The following UTP15 variants were observed in gnomAD, a reference collection of about 807,000 sequenced individuals.
UTP15 encodes U3 small nucleolar RNA-associated protein 15 homolog.
UTP15 carries 5 observed loss-of-function variants against 59.1 expected under a neutral mutation model. The observed-to-expected ratio is 0.08, with a 90% confidence interval of 0.04 to 0.18. UTP15 has a LOEUF of 0.18. UTP15 is among the 10% of genes least tolerant of loss of function. The probability of loss-of-function intolerance (pLI) is 1.00; values close to 1 mark genes in which losing one functional copy is unlikely to be tolerated. For missense variants in UTP15, 494 were observed against 616.7 expected (o/e 0.80, Z 2.11); for synonymous variants, 211 against 212.2 (o/e 0.99, Z 0.05).
intron 8 of UTP15, among the ~76,000 whole-genome samples, 171 bp from the exon 9 acceptor site, chr5:73,577,685 T>G (rs927127581): frequency 6.6e-6 from 1 of 152,188 alleles, no homozygotes; most frequent in Non-Finnish European, 1.5e-5. Context: ...AAAAAATGAT[T>G]TCGCTTTAAC....
rs550388874 is a variant in UTP15 at position 73,572,581 on chromosome 5, C to G, written c.766C>G (p.Leu256Val). Reference protein sequence around the residue: ...NHHKTVTCLCLSSSGQRLLSG... With the variant: ...NHHKTVTCLCVSSSGQRLLSG... The stretch of plus-strand genomic sequence containing the variant: ...TCACAAAACCGTGACATGTTTATGT[C>G]TAAGCAGCTCTGGACAGAGGTTACT... Residue 256 changes from leucine to valine, a missense_variant, in exon 7 of 13, where the codon CTA (leucine) becomes GTA (valine). By Grantham distance (32) the Leu-to-Val change is conservative. Transcript: ENST00000296792. 76 of 1,614,122 alleles carry G rather than the reference C, an allele frequency of 4.7e-5. No individual in the cohort carries two copies. The East Asian group carries it at 1.6e-3, about 35-fold the overall frequency.
At chr5:73,570,466 CAT>C (rs1747899765) in intron 5 of UTP15, 118 bp from the exon 6 acceptor site, 1 of 964,338 alleles carries the variant, frequency 1.0e-6, no homozygotes, top group East Asian at 2.6e-5. Context: ...CATGAATATA[CAT>C]ATATGTCTTT....
chr5:73,565,997 C>T, intron 1 of UTP15, 85 bp downstream of exon 1: 1 of 414,996 alleles, frequency 2.4e-6, no homozygotes. Context: ...TCTGGGGCTT[C>T]CCAGGCTATA....
rs1748311118 is a variant in UTP15 at position 73,581,588 on chromosome 5, T to G, written c.*1494T>G. 1 of 152,134 alleles carries G rather than the reference T, an allele frequency of 6.6e-6. No individual in the cohort carries two copies. 9.4% of individuals were successfully genotyped at this position (152,134 alleles called of 1,614,324 possible). A position where few individuals can be genotyped will look rare whatever the true frequency, so the allele number is the denominator to read the frequency against. ...TTGTAATGCGAATCTCCTCTCATAA[T>G]TTTAGTTCTGTAAATTCAGGGTTTT... is the stretch of plus-strand genomic sequence containing the variant. On this transcript the variant is annotated 3_prime_UTR_variant, in exon 13 of 13. Coordinates refer to ENST00000296792, the MANE Select transcript of UTP15 (RefSeq NM_032175.4).
At position 73,579,906 on chromosome 5, in the gene UTP15, C is replaced by T; in HGVS notation, c.1369C>T (p.Pro457Ser). ...DIYLPVIGQSPVVDKKFLLLQ... is the reference protein window; with the variant it reads ...DIYLPVIGQSSVVDKKFLLLQ... The stretch of plus-strand genomic sequence containing the variant: ...ATATCTGCCTGTAATTGGTCAGTCC[C>T]CTGTAGTTGATAAAAAGTTTTTACT... The change falls in exon 13 of 13, where the codon CCT (proline) becomes TCT (serine). Residue 457 changes from proline to serine, a missense_variant. Coordinates refer to ENST00000296792, the MANE Select transcript of UTP15 (RefSeq NM_032175.4). The T allele has an allele frequency of 6.2e-7, 1 of 1,612,646 alleles. No homozygotes were observed. The highest frequency in any genetic ancestry group is 8.5e-7 in the Non-Finnish European group (1 of 1,179,234).
chr5:73,568,828 C>T (rs529167025), intron 4 of UTP15, among the ~76,000 whole-genome samples: 12 of 152,194 alleles, frequency 7.9e-5, no homozygotes, highest in East Asian at 3.9e-4. Context: ...AGGAAATACA[C>T]GTTTATCTAG....
intron 2 of UTP15, 113 bp downstream of exon 2, chr5:73,567,547 A>C: frequency 1.4e-6 from 1 of 707,938 alleles, no homozygotes; most frequent in Non-Finnish European, 2.2e-6. Context: ...ACCATCTATC[A>C]GCAGCTTATA....
intron 7 of UTP15, among the ~76,000 whole-genome samples, chr5:73,574,119 T>C (rs1748020496): frequency 6.6e-6 from 1 of 151,776 alleles, no homozygotes; most frequent in Non-Finnish European, 1.5e-5. Flanking sequence ...GGCCAGGAGT[T>C]TGAGACCAGC....
chr5:73,565,799 C>G lies in UTP15; in HGVS notation c.-197C>G, dbSNP rs1227727443. The G allele has an allele frequency of 4.4e-6, 2 of 456,132 alleles. No homozygotes were observed. 28.3% of individuals were successfully genotyped at this position (456,132 alleles called of 1,614,324 possible). On this transcript the variant is annotated 5_prime_UTR_variant, in exon 1 of 13. Transcript: ENST00000296792. ...TGTGTGTCGCCGGCTCCTTGAGGGT[C>G]CATGTGATTTTTACGCCAGTGCTGC...
At chr5:73,569,115 A>C (rs4703607) in intron 4 of UTP15, among the ~76,000 whole-genome samples, 57,444 of 152,120 alleles carry the variant, frequency 0.38, 12,299 homozygotes, top group East Asian at 0.66. Flanking sequence ...GTTAAAATTT[A>C]ACAGAAATTT....
chr5:73,580,165 G>C lies in UTP15; in HGVS notation c.*71G>C, dbSNP rs1349851161. The stretch of plus-strand genomic sequence containing the variant: ...TTGACTGTATTAAATGTTGGCGAGA[G>C]ACTCTCTTTGATACATTAAAAAAAC... On this transcript the variant is annotated 3_prime_UTR_variant, in exon 13 of 13. Coordinates refer to ENST00000296792, the MANE Select transcript of UTP15 (RefSeq NM_032175.4). 55 of 1,362,036 alleles carry C rather than the reference G, an allele frequency of 4.0e-5. No homozygotes were observed. The highest frequency in any genetic ancestry group is 5.1e-5 in the Non-Finnish European group (50 of 985,284). The allele number at this position is 1,362,036 out of a possible 1,614,324, so 84.4% of individuals were successfully genotyped here.
rs146091678 is a variant in UTP15, at chr5:73,579,043, G to C, written c.1173G>C (p.Glu391Asp). 1.2e-6 allele frequency: 2 copies of C among 1,613,284 alleles called. No individual in the cohort carries two copies. Among genetic ancestry groups the C allele is most frequent in the Non-Finnish European group, 1.7e-6 (2 of 1,179,454 alleles). Residue 391 changes from glutamate (E) to aspartate (D), a missense_variant, in exon 11 of 13, where the codon GAG (glutamate) becomes GAC (aspartate). Transcript: ENST00000296792. ...LDPTCTIKTP[E>D]ITVSIIKELN... Reference sequence around the variant, plus strand: ...CCACTTGTACAATAAAGACACCCGAGATTACGGTGTCCATCATAAAGGAGT... The same window carrying C: ...CCACTTGTACAATAAAGACACCCGACATTACGGTGTCCATCATAAAGGAGT...
At chr5:73,567,222 A>G (rs1747802423) in intron 1 of UTP15, 40 bp from the exon 2 acceptor site, 1 of 528,242 alleles carries the variant, frequency 1.9e-6, no homozygotes. Flanking sequence ...AACTATGTGT[A>G]CAAGCTTATA....
rs1747801658 is a variant in UTP15 at position 73,567,203 on chromosome 5, G to T, written c.-83-59G>T. The T allele has an allele frequency of 6.6e-6, 3 of 456,520 alleles. No homozygotes were observed. In the East Asian group the frequency reaches 1.1e-4, roughly 17 times the overall value. The allele number at this position is 456,520 out of a possible 1,614,324, so 28.3% of individuals were successfully genotyped here. On this transcript the variant is annotated intron_variant, in intron 1 of 12. Transcript: ENST00000296792. Reference sequence around the variant, plus strand: ...ACACAGACTTTTTAAAGAAAGCAGAGTGAAAATCAACTATGTGTACAAGCT... The same window carrying T: ...ACACAGACTTTTTAAAGAAAGCAGATTGAAAATCAACTATGTGTACAAGCT...
Position 73,567,430 on chromosome 5 carries a change from A to G in UTP15, c.86A>G (p.Tyr29Cys), listed in dbSNP as rs1469674937. 3.8e-6 allele frequency: 6 copies of G among 1,599,444 alleles called. No individual in the cohort carries two copies. Among genetic ancestry groups the G allele is most frequent in the African/African-American group, 1.3e-5 (1 of 74,234 alleles). ...ITQDTLYWNNYKTPVQIKEFG... is the reference protein window; with the variant it reads ...ITQDTLYWNNCKTPVQIKEFG... ...CAAGATACACTGTACTGGAACAACT[A>G]TAAGGTGAGTGTGGGACGTAATGAG... The change falls in exon 2 of 13, where the codon TAT becomes TGT. Residue 29 changes from tyrosine (Y) to cysteine (C), a missense_variant. Coordinates refer to ENST00000296792, the MANE Select transcript of UTP15 (RefSeq NM_032175.4).
rs1207502780 is a variant in UTP15 at position 73,583,142 on chromosome 5, C to T, written c.*3048C>T. ...AATACCCTCTTAGACATTAAAAAGC[C>T]GCATGCCTGTTCCCTCAGCTATAGT... On this transcript the variant is annotated 3_prime_UTR_variant, in exon 13 of 13. Coordinates refer to ENST00000296792, the MANE Select transcript of UTP15 (RefSeq NM_032175.4). 5.3e-5 allele frequency: 8 copies of T among 152,184 alleles called. No individual in the cohort carries two copies. In the South Asian group the frequency reaches 8.3e-4, roughly 16 times the overall value. The allele number at this position is 152,184 out of a possible 1,614,324, so 9.4% of individuals were successfully genotyped here.
At chr5:73,566,441 C>T (rs550665343) in intron 1 of UTP15, among the ~76,000 whole-genome samples, 2 of 152,322 alleles carry the variant, frequency 1.3e-5, no homozygotes, top group South Asian at 4.1e-4. Flanking sequence ...CTTTAATGAA[C>T]AGAAGAGTGT....
In UTP15 at chr5:73,568,401, A is replaced by G. The variant is rs377474417; in HGVS notation, c.184-19A>G. The stretch of plus-strand genomic sequence containing the variant: ...CTGATCTTGAGCCATCTGGTGAAAT[A>G]CTGTTTTTCATCTTGTAGATTCACA... On this transcript the variant is annotated intron_variant, in intron 3 of 12. Coordinates refer to ENST00000296792, the MANE Select transcript of UTP15 (RefSeq NM_032175.4). 7.5e-6 allele frequency: 12 copies of G among 1,602,436 alleles called. No individual in the cohort carries two copies. In the African/African-American group the frequency reaches 9.4e-5, roughly 13 times the overall value.
chr5:73,567,657 G>A (rs1747819030), intron 2 of UTP15: 1 of 349,124 alleles, frequency 2.9e-6, no homozygotes, highest in Non-Finnish European at 5.2e-6. Context: ...GCACAGAACA[G>A]ATGATCAATC....
Sources: gnomAD v4.1 joint callset for allele counts (sites outside exome capture counted in the v4.1 genomes callset) on GRCh38, gnomAD v4.1.1 for gene constraint, MANE v1.5 for transcripts, NCBI Gene and HGNC (gene_info 2026-07-23, HGNC 2026-07-21) for gene names.